MYO3A: variants seen among roughly 807,000 people sequenced by gnomAD.
MYO3A encodes the protein myosin IIIA.
A neutral mutation model predicts 192.7 loss-of-function variants in MYO3A; 180 were observed. The ratio of observed to expected loss-of-function variants is 0.93; its 90% CI spans 0.83 to 1.06. The LOEUF (loss-of-function observed/expected upper bound fraction) is 1.06. Ranked by LOEUF, MYO3A falls within the 50% of genes least tolerant of loss-of-function variation. The probability of loss-of-function intolerance (pLI) is 0.00; values close to 1 mark genes in which losing one functional copy is unlikely to be tolerated. For synonymous variants in MYO3A, 628 were observed against 645.3 expected, an observed-to-expected ratio of 0.97 and a Z score of 0.41; for missense variants, 1,896 against 1,905.0, an observed-to-expected ratio of 1.00 and a Z score of 0.09.
intron 4 of MYO3A, among the ~76,000 whole-genome samples, chr10:25,969,973 A>G (rs891935565): frequency 1.3e-5 from 2 of 152,128 alleles, no homozygotes; most frequent in Non-Finnish European, 2.9e-5. Context: ...ATGACATTTC[A>G]TAATGACAAA....
Position 26,024,019 on chromosome 10 carries a change from T to C in MYO3A, c.732-3T>C, listed in dbSNP as rs201712584. ...AATCCAACATTGATTCTTATTTTTC[T>C]AGGAATCCACCCCCAAAACTAAGGC... On this transcript the variant is annotated splice_region_variant and splice_polypyrimidine_tract_variant and intron_variant, in intron 8 of 34. Coordinates refer to ENST00000642920, the MANE Select transcript of MYO3A (RefSeq NM_017433.5). The C allele has an allele frequency of 2.5e-6, 4 of 1,611,992 alleles. No individual in the cohort carries two copies. In the African/African-American group the frequency reaches 4.0e-5, roughly 16 times the overall value.
At chr10:26,178,327 T>G (rs986781264) in intron 31 of MYO3A, among the ~76,000 whole-genome samples, 4 of 152,090 alleles carry the variant, frequency 2.6e-5, no homozygotes, top group African/African-American at 9.7e-5. Flanking sequence ...TTTTCACTTT[T>G]GAACATCTCA....
chr10:26,065,820 T>C, intron 10 of MYO3A, among the ~76,000 whole-genome samples: 1 of 151,154 alleles, frequency 6.6e-6, no homozygotes, highest in Non-Finnish European at 1.5e-5. Flanking sequence ...TATTATAGTA[T>C]ACAAAAAGAG....
chr10:26,066,923 T>C, intron 10 of MYO3A, 52 bp from the exon 11 acceptor site: 1 of 1,317,390 alleles, frequency 7.6e-7, no homozygotes, highest in African/African-American at 1.4e-5. Context: ...AAAACTTTTT[T>C]CCACTATGAG....
At chr10:25,973,058 TA>T (rs1838756889) in intron 4 of MYO3A, among the ~76,000 whole-genome samples, 1 of 152,246 alleles carries the variant, frequency 6.6e-6, no homozygotes. Context: ...ATTGAATATA[TA>T]AATTATTTTG....
At chr10:26,043,307 A>T (rs531360606) in intron 10 of MYO3A, among the ~76,000 whole-genome samples, 1 of 150,790 alleles carries the variant, frequency 6.6e-6, no homozygotes, top group Non-Finnish European at 1.5e-5. Flanking sequence ...TGTAACCACT[A>T]CCTGGCTACT....
At chr10:26,075,599 AT>A (rs1835484406) in intron 14 of MYO3A, among the ~76,000 whole-genome samples, 1 of 131,728 alleles carries the variant, frequency 7.6e-6, no homozygotes, top group African/African-American at 2.7e-5. Context: ...TGATATATAT[AT>A]GTCTCTCTCA....
intron 23 of MYO3A, among the ~76,000 whole-genome samples, chr10:26,153,360 A>C (rs544329277): frequency 6.6e-6 from 1 of 152,310 alleles, no homozygotes; most frequent in South Asian, 2.1e-4. Context: ...GGTTGTGTGC[A>C]TTTGTGTAGT....
intron 21 of MYO3A, among the ~76,000 whole-genome samples, chr10:26,143,817 T>C (rs547570589): frequency 3.9e-5 from 6 of 152,238 alleles, no homozygotes; most frequent in Admixed American, 6.5e-5. Flanking sequence ...AGTTTAAATA[T>C]TGGACTTCTC....
chr10:25,951,092 A>G (rs895701710), intron 2 of MYO3A, among the ~76,000 whole-genome samples: 2 of 152,194 alleles, frequency 1.3e-5, no homozygotes, highest in Admixed American at 1.3e-4. Context: ...AAATCAATTA[A>G]TTATTTCAGC....
At chr10:25,950,470 G>A (rs142878295) in intron 2 of MYO3A, among the ~76,000 whole-genome samples, 38 of 152,272 alleles carry the variant, frequency 2.5e-4, no homozygotes, top group African/African-American at 8.2e-4. Flanking sequence ...GTGCAGTAGG[G>A]TTGCTGGGCA....
intron 10 of MYO3A, among the ~76,000 whole-genome samples, chr10:26,052,246 T>A (rs1327398929): frequency 2.6e-5 from 4 of 152,202 alleles, no homozygotes; most frequent in Non-Finnish European, 5.9e-5. Context: ...CATCCTTCTT[T>A]CCAACATTGC....
intron 31 of MYO3A, among the ~76,000 whole-genome samples, chr10:26,178,969 T>A (rs939176913): frequency 3.0e-4 from 45 of 151,512 alleles, no homozygotes; most frequent in African/African-American, 1.1e-3. Context: ...GCCGGGCTAA[T>A]TTTTTATATT....
intron 4 of MYO3A, among the ~76,000 whole-genome samples, chr10:25,989,395 G>A (rs1282249491): frequency 6.6e-6 from 1 of 151,974 alleles, no homozygotes. Context: ...TTCCAGGGCA[G>A]CAACACTCTT....
At chr10:26,198,782 C>G (rs1564640521) in intron 32 of MYO3A, among the ~76,000 whole-genome samples, 1 of 152,168 alleles carries the variant, frequency 6.6e-6, no homozygotes. Flanking sequence ...AAGAAACACC[C>G]AAGCCAGAAA....
At chr10:26,012,474 C>T (rs949010603) in intron 6 of MYO3A, among the ~76,000 whole-genome samples, 1 of 152,078 alleles carries the variant, frequency 6.6e-6, no homozygotes, top group African/African-American at 2.4e-5. Flanking sequence ...AAATCGAGGA[C>T]TCAATCCTTT....
intron 5 of MYO3A, among the ~76,000 whole-genome samples, chr10:25,996,834 A>G (rs1840474176): frequency 6.6e-6 from 1 of 152,210 alleles, no homozygotes; most frequent in Non-Finnish European, 1.5e-5. Flanking sequence ...AGACTGTGAT[A>G]GTGATGAAGG....
intron 10 of MYO3A, among the ~76,000 whole-genome samples, chr10:26,026,960 A>G (rs1842580477): frequency 6.6e-6 from 1 of 152,224 alleles, no homozygotes; most frequent in Non-Finnish European, 1.5e-5. Flanking sequence ...TCGGCTTCCC[A>G]AAGTGCTGGC....
At chr10:26,026,259 G>C in intron 9 of MYO3A, 118 bp from the exon 10 acceptor site, 1 of 1,219,378 alleles carries the variant, frequency 8.2e-7, no homozygotes, top group South Asian at 1.4e-5. Context: ...TTTAAGCTTG[G>C]GCTGAGCATT....
Sources: allele counts gnomAD v4.1 joint callset (sites outside exome capture counted in the v4.1 genomes callset), GRCh38; gene constraint gnomAD v4.1.1; transcripts MANE v1.5; gene names NCBI Gene and HGNC (gene_info 2026-07-23, HGNC 2026-07-21).